The following AMMECR1 variants were observed in gnomAD, a reference collection of about 807,000 sequenced individuals.
AMMECR1 encodes the protein AMMECR nuclear protein 1, also known as nuclear protein AMMECR1.
In AMMECR1, 3 loss-of-function variants were observed where a neutral mutation model predicts 22.5. The observed-to-expected ratio is 0.13, with a 90% confidence interval of 0.06 to 0.35. AMMECR1 has a LOEUF of 0.35. Among genes scored for constraint, AMMECR1 ranks in the 10% least tolerant of loss-of-function variants. The probability of loss-of-function intolerance (pLI) is 1.00; values close to 1 mark genes in which losing one functional copy is unlikely to be tolerated. For synonymous variants in AMMECR1, 130 were observed against 116.7 expected (o/e 1.11, Z -0.74); for missense variants, 235 against 278.7 (o/e 0.84, Z 1.12).
intron 1 of AMMECR1, among the ~76,000 whole-genome samples, chrX:110,296,360 A>G (rs1352769646): frequency 2.7e-5 from 3 of 111,943 alleles, no homozygotes; most frequent in African/African-American, 9.7e-5. Context: ...CTATCATTGT[A>G]TCTGGGTGTG....
At chrX:110,414,376 T>C (rs2068662423) in intron 2 of AMMECR1, among the ~76,000 whole-genome samples, 1 of 112,333 alleles carries the variant, frequency 8.9e-6, no homozygotes, top group Non-Finnish European at 1.9e-5. Flanking sequence ...CCATGCTCCA[T>C]ACCATGCCAG....
chrX:110,414,453 T>C (rs1602985696), intron 2 of AMMECR1, among the ~76,000 whole-genome samples: 1 of 112,666 alleles, frequency 8.9e-6, no homozygotes, highest in East Asian at 2.8e-4. Flanking sequence ...GTATCGAGTG[T>C]CTTCTAGGTA....
chrX:110,223,049 TATC>T (rs1233872187), intron 2 of AMMECR1, among the ~76,000 whole-genome samples: 2 of 111,979 alleles, frequency 1.8e-5, no homozygotes, highest in African/African-American at 6.5e-5. Flanking sequence ...GACCAGCAAG[TATC>T]ATCAGAATCT....
At chrX:110,261,540 C>T (rs2067741709) in intron 2 of AMMECR1, among the ~76,000 whole-genome samples, 1 of 111,055 alleles carries the variant, frequency 9.0e-6, no homozygotes, top group Non-Finnish European at 1.9e-5. Context: ...GTCCATGTAG[C>T]CAAAGAATAC....
At chrX:110,341,186 T>C (rs998110866) in intron 2 of AMMECR1, among the ~76,000 whole-genome samples, 3 of 112,656 alleles carry the variant, frequency 2.7e-5, no homozygotes, top group African/African-American at 9.7e-5. Flanking sequence ...TCCTGGAATC[T>C]GTTTGACTGT....
At chrX:110,389,597 G>T (rs1262147280) in intron 2 of AMMECR1, among the ~76,000 whole-genome samples, 1 of 111,546 alleles carries the variant, frequency 9.0e-6, no homozygotes, top group East Asian at 2.8e-4. Context: ...ATACCCTTAA[G>T]GTTATTCAAT....
chrX:110,223,607 C>T (rs949735127), intron 2 of AMMECR1, among the ~76,000 whole-genome samples: 3 of 111,714 alleles, frequency 2.7e-5, no homozygotes, highest in Non-Finnish European at 5.6e-5. Flanking sequence ...CGTGTGTTCT[C>T]TTAAGTTAGG....
intron 2 of AMMECR1, among the ~76,000 whole-genome samples, chrX:110,405,413 C>T (rs1020444279): frequency 6.3e-5 from 7 of 111,372 alleles, no homozygotes; most frequent in African/African-American, 2.3e-4. Context: ...AGGTATGGAA[C>T]TTTTGGAGAA....
chrX:110,326,928 A>G (rs1331529994), intron 2 of AMMECR1, among the ~76,000 whole-genome samples: 2 of 111,853 alleles, frequency 1.8e-5, no homozygotes, highest in Admixed American at 9.5e-5. Flanking sequence ...AACAAGACTT[A>G]CTGACACATA....
At chrX:110,373,890 A>G (rs919642168) in intron 2 of AMMECR1, among the ~76,000 whole-genome samples, 2 of 112,306 alleles carry the variant, frequency 1.8e-5, no homozygotes, top group Non-Finnish European at 3.8e-5. Context: ...AAAAAGTCAA[A>G]TGACAGTTTA....
At chrX:110,200,890 A>G in intron 5 of AMMECR1, 64 bp downstream of exon 5, 1 of 783,432 alleles carries the variant, frequency 1.3e-6, no homozygotes, top group South Asian at 2.4e-5. Context: ...AAGAAATCAA[A>G]GGGTTATAGG....
At chrX:110,404,744 A>G (rs1221636135) in intron 2 of AMMECR1, among the ~76,000 whole-genome samples, 2 of 111,447 alleles carry the variant, frequency 1.8e-5, no homozygotes, top group African/African-American at 6.5e-5. Flanking sequence ...CAGGGAGTGA[A>G]CCTGACTCTG....
chrX:110,344,137 A>G (rs2068177607), intron 2 of AMMECR1, among the ~76,000 whole-genome samples: 1 of 112,106 alleles, frequency 8.9e-6, no homozygotes, highest in African/African-American at 3.2e-5. Context: ...TACTGGTACC[A>G]AAACAGAGAT....
intron 2 of AMMECR1, among the ~76,000 whole-genome samples, chrX:110,424,154 T>C (rs1039557808): frequency 5.4e-5 from 6 of 111,748 alleles, no homozygotes; most frequent in South Asian, 3.8e-4. Context: ...CACACTCAGT[T>C]AATAAGTTGA....
chrX:110,431,666 C>A (rs1488032006), intron 1 of AMMECR1, among the ~76,000 whole-genome samples: 2 of 111,501 alleles, frequency 1.8e-5, no homozygotes, highest in African/African-American at 6.5e-5. Context: ...CAGAAGGTTG[C>A]CCTGATGACT....
chrX:110,215,545 A>C (rs981956671), intron 3 of AMMECR1, among the ~76,000 whole-genome samples: 5 of 112,204 alleles, frequency 4.5e-5, no homozygotes, highest in South Asian at 3.7e-4. Context: ...CTTCTAAAAC[A>C]GCAGAAGAAT....
upstream of AMMECR1, among the ~76,000 whole-genome samples, chrX:110,318,558 C>T (rs924788504): frequency 3.6e-5 from 4 of 110,345 alleles, no homozygotes; most frequent in African/African-American, 1.3e-4. Context: ...GCTCAGTAAC[C>T]CCCCGCCGCA....
intron 2 of AMMECR1, among the ~76,000 whole-genome samples, chrX:110,358,129 G>A (rs764181118): frequency 8.9e-6 from 1 of 111,883 alleles, no homozygotes; most frequent in Non-Finnish European, 1.9e-5. Flanking sequence ...GACCACTGCT[G>A]TCTTTGAGGC....
chrX:110,327,158 A>G (rs1399715702), intron 2 of AMMECR1, among the ~76,000 whole-genome samples: 1 of 112,264 alleles, frequency 8.9e-6, no homozygotes, highest in Non-Finnish European at 1.9e-5. Flanking sequence ...CATGAGCTCA[A>G]ATGAAAGGTC....
Sources: gnomAD v4.1 joint callset for allele counts (sites outside exome capture counted in the v4.1 genomes callset) on GRCh38, gnomAD v4.1.1 for gene constraint, MANE v1.5 for transcripts, NCBI Gene and HGNC (gene_info 2026-07-23, HGNC 2026-07-21) for gene names.